Variants in PABPC4L observed in about 807,000 individuals in gnomAD.
The protein encoded by PABPC4L is polyadenylate-binding protein 4-like.
For missense variants in PABPC4L, 452 were observed against 451.4 expected (o/e 1.00, Z -0.01); for synonymous variants, 169 against 164.1 (o/e 1.03, Z -0.23).
the PABPC4L span, among the ~76,000 whole-genome samples, chr4:134,063,182 C>T: frequency 1.3e-5 from 2 of 152,078 alleles, no homozygotes; most frequent in Non-Finnish European, 2.9e-5. Context: ...GACTGTTCAA[C>T]TAGAGGCATT....
chr4:134,187,790 T>C, the PABPC4L span, among the ~76,000 whole-genome samples: 1 of 152,128 alleles, frequency 6.6e-6, no homozygotes. Flanking sequence ...ACTTGCTTCA[T>C]TCCTTTACTT....
At chr4:134,156,387 C>T in the PABPC4L span, among the ~76,000 whole-genome samples, 1 of 151,832 alleles carries the variant, frequency 6.6e-6, no homozygotes, top group African/African-American at 2.4e-5. Context: ...CCTCTTAAAT[C>T]TACTGTCACT....
chr4:134,179,630 C>A, the PABPC4L span, among the ~76,000 whole-genome samples: 1 of 151,970 alleles, frequency 6.6e-6, no homozygotes, highest in Non-Finnish European at 1.5e-5. Context: ...AGCATGTTGC[C>A]TTCAGTAGCA....
At chr4:133,981,097 G>A in the PABPC4L span, among the ~76,000 whole-genome samples, 2 of 152,046 alleles carry the variant, frequency 1.3e-5, no homozygotes, top group African/African-American at 4.8e-5. Flanking sequence ...GGAGGCTGAG[G>A]TTGCAGTGAG....
At chr4:134,171,481 T>C in the PABPC4L span, among the ~76,000 whole-genome samples, 1 of 152,156 alleles carries the variant, frequency 6.6e-6, no homozygotes, top group Non-Finnish European at 1.5e-5. Context: ...TGTTTTTTGC[T>C]AGATACTGTG....
the PABPC4L span, among the ~76,000 whole-genome samples, chr4:134,070,884 T>C: frequency 2.0e-5 from 3 of 152,106 alleles, no homozygotes. Context: ...CCTTGTCTCA[T>C]GGACAAGACT....
At chr4:134,116,039 T>C in the PABPC4L span, among the ~76,000 whole-genome samples, 2 of 151,868 alleles carry the variant, frequency 1.3e-5, no homozygotes, top group Non-Finnish European at 2.9e-5. Context: ...AAAATAAATG[T>C]ATAATTGCAG....
chr4:134,070,130 G>C, the PABPC4L span, among the ~76,000 whole-genome samples: 2 of 151,860 alleles, frequency 1.3e-5, no homozygotes, highest in Non-Finnish European at 2.9e-5. Context: ...GTGCTGTGTG[G>C]TTTCATGTTG....
At chr4:134,201,282 G>A in intron 1 of PABPC4L, 37 bp from the exon 2 acceptor site, 3 of 1,448,026 alleles carry the variant, frequency 2.1e-6, no homozygotes, top group Non-Finnish European at 2.8e-6. Context: ...AGGACAAGAC[G>A]TTCCTTCCCC....
the PABPC4L span, among the ~76,000 whole-genome samples, chr4:134,111,452 G>T: frequency 2.0e-5 from 3 of 151,858 alleles, no homozygotes; most frequent in Non-Finnish European, 2.9e-5. Context: ...ACACACATGT[G>T]TATGTAACTG....
At chr4:134,020,805 T>C in the PABPC4L span, among the ~76,000 whole-genome samples, 2 of 152,264 alleles carry the variant, frequency 1.3e-5, no homozygotes, top group East Asian at 1.9e-4. Context: ...AAAGAGATTA[T>C]AAATATAGGT....
chr4:134,118,999 G>A, the PABPC4L span, among the ~76,000 whole-genome samples: 2 of 151,504 alleles, frequency 1.3e-5, no homozygotes, highest in African/African-American at 2.4e-5. Context: ...TCACAATTAA[G>A]GTACTACATA....
At chr4:134,120,541 G>A in the PABPC4L span, among the ~76,000 whole-genome samples, 6 of 150,580 alleles carry the variant, frequency 4.0e-5, no homozygotes, top group Admixed American at 1.3e-4. Flanking sequence ...ATGAAGGGCC[G>A]CTGGAGAAAA....
At chr4:134,115,806 A>G in the PABPC4L span, among the ~76,000 whole-genome samples, 1 of 151,912 alleles carries the variant, frequency 6.6e-6, no homozygotes, top group Middle Eastern at 3.4e-3. Flanking sequence ...CACCTTAAGA[A>G]AAAACATCTG....
chr4:134,078,084 A>G, the PABPC4L span, among the ~76,000 whole-genome samples: 1 of 152,222 alleles, frequency 6.6e-6, no homozygotes, highest in Admixed American at 6.5e-5. Flanking sequence ...TTTGAAATAC[A>G]GTGATATAAG....
At chr4:134,073,504 A>G in the PABPC4L span, among the ~76,000 whole-genome samples, 1 of 152,130 alleles carries the variant, frequency 6.6e-6, no homozygotes, top group East Asian at 1.9e-4. Context: ...CCATGTGCAC[A>G]GTGCAAGCTG....
chr4:133,957,192 G>A, the PABPC4L span, among the ~76,000 whole-genome samples: 8 of 152,084 alleles, frequency 5.3e-5, no homozygotes, highest in Non-Finnish European at 2.9e-5. Flanking sequence ...AATCAAAAGC[G>A]AGGTAATTAC....
At chr4:134,104,784 A>G in the PABPC4L span, among the ~76,000 whole-genome samples, 1 of 151,700 alleles carries the variant, frequency 6.6e-6, no homozygotes, top group African/African-American at 2.4e-5. Context: ...ATTTTCCTCA[A>G]CATGATTTCA....
chr4:134,121,752 C>G, the PABPC4L span, among the ~76,000 whole-genome samples: 5 of 151,696 alleles, frequency 3.3e-5, no homozygotes, highest in Non-Finnish European at 7.4e-5. Flanking sequence ...TGAGGACTAA[C>G]GCCATGCTGA....
Sources: gnomAD v4.1 joint callset for allele counts (sites outside exome capture counted in the v4.1 genomes callset) on GRCh38, gnomAD v4.1.1 for gene constraint, MANE v1.5 for transcripts, NCBI Gene and HGNC (gene_info 2026-07-23, HGNC 2026-07-21) for gene names.